The following PREPL variants were observed in gnomAD, a reference collection of about 807,000 sequenced individuals.
PREPL encodes prolyl endopeptidase-like.
Under a neutral mutation model 70.6 loss-of-function variants are expected in PREPL, and 77 were observed. The ratio of observed to expected loss-of-function variants is 1.09; its 90% confidence interval spans 0.91 to 1.32. The LOEUF (loss-of-function observed/expected upper bound fraction) is 1.32. PREPL is among the 40% of genes most tolerant of loss of function. PREPL has a pLI of 0.00. For synonymous variants in PREPL, 315 were observed against 264.8 expected, an observed-to-expected ratio of 1.19 and a Z score of -1.84; for missense variants, 1,002 against 778.2, an observed-to-expected ratio of 1.29 and a Z score of -3.42.
chr2:44,328,791 A>C (rs1673793408), intron 9 of PREPL, 146 bp downstream of exon 9: 2 of 818,364 alleles, frequency 2.4e-6, no homozygotes, highest in African/African-American at 3.5e-5. Context: ...TAAAGAATCA[A>C]GTTTCACCAG....
intron 1 of PREPL, chr2:44,359,911 C>G (rs910827524): frequency 1.8e-6 from 1 of 543,872 alleles, no homozygotes; most frequent in Non-Finnish European, 3.2e-6. Flanking sequence ...AATCTAAAAA[C>G]CTGTGTAAGT....
chr2:44,332,848 T>G (rs1439912783), intron 7 of PREPL, among the ~76,000 whole-genome samples, 192 bp from the exon 8 acceptor site: 1 of 152,220 alleles, frequency 6.6e-6, no homozygotes, highest in Non-Finnish European at 1.5e-5. Flanking sequence ...TGTACATTAA[T>G]GACCAATAAA....
chr2:44,342,645 T>G, intron 4 of PREPL, 93 bp from the exon 5 acceptor site: 1 of 972,910 alleles, frequency 1.0e-6, no homozygotes, highest in Non-Finnish European at 1.5e-6. Flanking sequence ...TGAATGCCAG[T>G]GAGAACATGT....
chr2:44,331,960 T>G (rs1210900851), intron 8 of PREPL, among the ~76,000 whole-genome samples: 1 of 151,038 alleles, frequency 6.6e-6, no homozygotes, highest in Non-Finnish European at 1.5e-5. Flanking sequence ...TTTTTTTTTT[T>G]TTTTGAGACG....
chr2:44,331,739 G>T (rs956678528), intron 8 of PREPL, among the ~76,000 whole-genome samples: 1 of 152,078 alleles, frequency 6.6e-6, no homozygotes, highest in South Asian at 2.1e-4. Context: ...CATTATTAAT[G>T]ACTTTTTAAA....
intron 8 of PREPL, among the ~76,000 whole-genome samples, chr2:44,330,333 A>G (rs960115374): frequency 6.6e-6 from 1 of 152,206 alleles, no homozygotes; most frequent in Admixed American, 6.5e-5. Flanking sequence ...GCTTCCATTC[A>G]GCAGCTGCTT....
Position 44,320,834 on chromosome 2 carries a change from A to G in PREPL, c.*522T>C, listed in dbSNP as rs1672880219. 1.7e-6 allele frequency: 1 copy of G among 602,264 alleles called. No homozygotes were observed. The highest frequency in any genetic ancestry group is 1.8e-5 in the African/African-American group (1 of 54,064). The allele number at this position is 602,264 out of a possible 1,614,324, so 37.3% of individuals were successfully genotyped here. ...AATGTTTAAAAGTAAATTATGGCTT[A>G]TAGGAGCTTATAACTTTATTCAGAT... On this transcript the variant is annotated 3_prime_UTR_variant, in exon 14 of 14. Coordinates refer to ENST00000409411, the MANE Select transcript of PREPL (RefSeq NM_001171613.2).
Position 44,329,057 on chromosome 2 carries a change from T to C in PREPL, c.1142A>G (p.Gln381Arg). The C allele has an allele frequency of 6.2e-7, 1 of 1,612,440 alleles. No homozygotes were observed. The highest frequency in any genetic ancestry group is 8.5e-7 in the Non-Finnish European group (1 of 1,178,610). ...VFHKTDSEDL[Q>R]KKPLLVHVYG... ...TACATGTACCAAGAGAGGTTTCTTC[T>C]GCAAGTCCTCAGAGTCAGTTTTGTG... Residue 381 changes from glutamine to arginine, a missense_variant, in exon 9 of 14, where the codon CAG becomes CGG. Physicochemically the swap from Gln to Arg is conservative, Grantham distance 43. Transcript: ENST00000409411.
chr2:44,327,073 A>G lies in PREPL; in HGVS notation c.1263-145T>C, dbSNP rs905453741. ...TGCTTTTTAAAGGTTGAGTGAAAAC[A>G]AGGAATGTGCAACAGAAACTGTACG... On this transcript the variant is annotated intron_variant, in intron 9 of 13. Transcript: ENST00000409411. The G allele has an allele frequency of 2.2e-5, 15 of 677,918 alleles. No homozygotes were observed. In the African/African-American group the frequency reaches 2.5e-4, roughly 11 times the overall value. The allele number at this position is 677,918 out of a possible 1,614,324, so 42.0% of individuals were successfully genotyped here. A position where few individuals can be genotyped will look rare whatever the true frequency, so the allele number is the denominator to read the frequency against.
intron 8 of PREPL, among the ~76,000 whole-genome samples, chr2:44,330,430 T>A (rs1188033768): frequency 3.9e-5 from 6 of 152,200 alleles, no homozygotes; most frequent in Admixed American, 3.9e-4. Flanking sequence ...TTTGATAGAC[T>A]AGTCTAATTC....
intron 1 of PREPL, among the ~76,000 whole-genome samples, chr2:44,351,802 C>A (rs1253927644): frequency 1.3e-5 from 2 of 152,178 alleles, no homozygotes; most frequent in African/African-American, 4.8e-5. Flanking sequence ...GCGCTTGCCT[C>A]CTGGTCTATT....
intron 1 of PREPL, chr2:44,359,874 C>A: frequency 1.7e-6 from 1 of 587,206 alleles, no homozygotes; most frequent in South Asian, 2.2e-5. Flanking sequence ...TGAATAACTT[C>A]AGACAGCTGA....
intron 3 of PREPL, 50 bp from the exon 4 acceptor site, chr2:44,344,001 A>G (rs746293383): frequency 6.4e-7 from 1 of 1,566,712 alleles, no homozygotes; most frequent in Admixed American, 1.9e-5. Flanking sequence ...TGTACTTTAA[A>G]AAATTAAAAC....
chr2:44,361,226 G>C (rs1474274806), intron 1 of PREPL, among the ~76,000 whole-genome samples, 154 bp downstream of exon 1: 1 of 152,184 alleles, frequency 6.6e-6, no homozygotes, highest in Admixed American at 6.5e-5. Flanking sequence ...CCAGGGATGA[G>C]GCGATCTGAA....
At chr2:44,349,979 C>A (rs1676237742) in intron 1 of PREPL, among the ~76,000 whole-genome samples, 1 of 152,022 alleles carries the variant, frequency 6.6e-6, no homozygotes, top group Non-Finnish European at 1.5e-5. Flanking sequence ...GAAAGAAACA[C>A]CAAGCCCAGA....
Position 44,320,234 on chromosome 2 carries a change from A to T in PREPL, c.*1122T>A, listed in dbSNP as rs750506648. On this transcript the variant is annotated 3_prime_UTR_variant, in exon 14 of 14. Coordinates refer to ENST00000409411, the MANE Select transcript of PREPL (RefSeq NM_001171613.2). ...CTCAGCCCAGATCGGCTTTGAAGTTATATCAAGATTTAAGTCTACTTCATG... is the reference window on the plus strand; with the variant it reads ...CTCAGCCCAGATCGGCTTTGAAGTTTTATCAAGATTTAAGTCTACTTCATG... The T allele has an allele frequency of 1.2e-6, 2 of 1,613,902 alleles. No homozygotes were observed. The highest frequency in any genetic ancestry group is 1.7e-6 in the Non-Finnish European group (2 of 1,179,926).
chr2:44,345,866 G>C (rs1273966309), intron 2 of PREPL, among the ~76,000 whole-genome samples: 1 of 152,066 alleles, frequency 6.6e-6, no homozygotes, highest in South Asian at 2.1e-4. Context: ...TCAGTGCTGG[G>C]CATGGTGGCT....
At chr2:44,329,455 G>C (rs1673870280) in intron 8 of PREPL, among the ~76,000 whole-genome samples, 1 of 152,104 alleles carries the variant, frequency 6.6e-6, no homozygotes, top group African/African-American at 2.4e-5. Context: ...TACTTACCAA[G>C]GTTAGAAGTC....
intron 1 of PREPL, among the ~76,000 whole-genome samples, chr2:44,350,802 T>C (rs1376867038): frequency 6.6e-6 from 1 of 152,210 alleles, no homozygotes; most frequent in Non-Finnish European, 1.5e-5. Flanking sequence ...TCAGTATTCA[T>C]ATTACTTGAC....
Sources: gnomAD v4.1 joint callset for allele counts (sites outside exome capture counted in the v4.1 genomes callset) on GRCh38, gnomAD v4.1.1 for gene constraint, MANE v1.5 for transcripts, NCBI Gene and HGNC (gene_info 2026-07-23, HGNC 2026-07-21) for gene names.